The following ZBTB20 variants were observed in gnomAD, a reference collection of about 807,000 sequenced individuals.
ZBTB20 encodes the protein zinc finger and BTB domain containing 20, also known as zinc finger and BTB domain-containing protein 20.
A neutral mutation model predicts 56.9 loss-of-function variants in ZBTB20; 9 were observed. The observed-to-expected ratio is 0.16, with a 90% CI of 0.10 to 0.28. The LOEUF (loss-of-function observed/expected upper bound fraction) is 0.28, where lower values mean the gene tolerates loss of function less well. Ranked by LOEUF, ZBTB20 falls within the 10% of genes least tolerant of loss-of-function variation. ZBTB20 has a pLI of 1.00. For synonymous variants in ZBTB20, 417 were observed against 420.7 expected (o/e 0.99, Z 0.11); for missense variants, 655 against 1,003.0 (o/e 0.65, Z 4.69).
intron 5 of ZBTB20, among the ~76,000 whole-genome samples, chr3:114,766,567 A>G (rs1398122238): frequency 6.6e-6 from 1 of 151,234 alleles, no homozygotes; most frequent in Non-Finnish European, 1.5e-5. Flanking sequence ...GTCAATGAAG[A>G]AATACTTCAT....
chr3:114,462,619 A>G (rs1576894132), intron 7 of ZBTB20, among the ~76,000 whole-genome samples: 2 of 152,172 alleles, frequency 1.3e-5, no homozygotes, highest in East Asian at 3.8e-4. Flanking sequence ...TTTTTTCAAT[A>G]GAAAATATGT....
chr3:114,531,997 C>T (rs551236706), intron 6 of ZBTB20, among the ~76,000 whole-genome samples: 35 of 152,168 alleles, frequency 2.3e-4, no homozygotes, highest in Non-Finnish European at 4.9e-4. Context: ...AACCTGCAGA[C>T]CAGGAGATTC....
At chr3:114,690,944 C>A (rs2062661362) in intron 6 of ZBTB20, among the ~76,000 whole-genome samples, 1 of 151,886 alleles carries the variant, frequency 6.6e-6, no homozygotes, top group Admixed American at 6.6e-5. Flanking sequence ...ATGCTTAAAC[C>A]CAATAATAAG....
chr3:115,138,831 T>C (rs1481257950), intron 1 of ZBTB20, among the ~76,000 whole-genome samples: 1 of 152,064 alleles, frequency 6.6e-6, no homozygotes, highest in Admixed American at 6.6e-5. Context: ...AATACAAGGA[T>C]AGAATGCATT....
chr3:114,645,121 CA>C (rs776735924), intron 6 of ZBTB20, among the ~76,000 whole-genome samples: 20 of 152,096 alleles, frequency 1.3e-4, no homozygotes, highest in Non-Finnish European at 2.5e-4. Context: ...TACGAAATTA[CA>C]GTAAGAGCCA....
At chr3:114,528,563 G>A (rs955255130) in intron 6 of ZBTB20, 6 of 152,084 alleles carry the variant, frequency 3.9e-5, no homozygotes, top group South Asian at 2.1e-4. Flanking sequence ...AATAATTTAC[G>A]ATAAAATATC....
intron 4 of ZBTB20, among the ~76,000 whole-genome samples, chr3:114,817,922 A>G (rs553927461): frequency 1.6e-4 from 24 of 152,230 alleles, no homozygotes; most frequent in African/African-American, 5.5e-4. Context: ...AATTAATACC[A>G]AAAAAACCCT....
At chr3:114,408,024 A>T (rs1019796626) in intron 7 of ZBTB20, among the ~76,000 whole-genome samples, 1 of 152,202 alleles carries the variant, frequency 6.6e-6, no homozygotes, top group African/African-American at 2.4e-5. Flanking sequence ...AAAACTTAGA[A>T]ATCTCAGTTC....
At chr3:115,113,322 T>A (rs1236608266) in intron 1 of ZBTB20, among the ~76,000 whole-genome samples, 1 of 152,226 alleles carries the variant, frequency 6.6e-6, no homozygotes, top group Non-Finnish European at 1.5e-5. Context: ...ACTAAAATAG[T>A]TTGCATATAA....
chr3:114,510,073 T>TATTC (rs1167661223), intron 6 of ZBTB20, among the ~76,000 whole-genome samples: 1 of 152,110 alleles, frequency 6.6e-6, no homozygotes, highest in African/African-American at 2.4e-5. Flanking sequence ...AAATATAAAG[T>TATTC]ATTCACCCAT....
chr3:114,426,219 G>A (rs1022055501), intron 7 of ZBTB20, among the ~76,000 whole-genome samples: 2 of 151,782 alleles, frequency 1.3e-5, no homozygotes, highest in African/African-American at 4.9e-5. Flanking sequence ...GGCGCCTGTA[G>A]TCCCAGCTAC....
intron 6 of ZBTB20, among the ~76,000 whole-genome samples, chr3:114,649,731 T>A (rs900183621): frequency 6.6e-6 from 1 of 152,018 alleles, no homozygotes; most frequent in Non-Finnish European, 1.5e-5. Flanking sequence ...CTAGAATGTC[T>A]CTTTTGACCA....
intron 3 of ZBTB20, among the ~76,000 whole-genome samples, chr3:114,908,934 T>C (rs564738400): frequency 6.6e-6 from 1 of 151,704 alleles, no homozygotes; most frequent in Non-Finnish European, 1.5e-5. Flanking sequence ...TTAGGAGATA[T>C]AAATGACAAA....
chr3:115,094,375 T>G (rs72945762), intron 1 of ZBTB20, among the ~76,000 whole-genome samples: 3,224 of 152,126 alleles, frequency 0.021, 47 homozygotes, highest in South Asian at 0.05. Context: ...CCTAGTCTAT[T>G]TAAATAATAA....
chr3:114,777,638 C>G (rs932385240), intron 5 of ZBTB20, among the ~76,000 whole-genome samples: 1 of 152,196 alleles, frequency 6.6e-6, no homozygotes, highest in African/African-American at 2.4e-5. Flanking sequence ...CACTTTTACA[C>G]TGTTGGTGGG....
chr3:114,593,442 T>C (rs371609729), intron 6 of ZBTB20, among the ~76,000 whole-genome samples: 3 of 149,942 alleles, frequency 2.0e-5, no homozygotes, highest in South Asian at 4.2e-4. Flanking sequence ...TGGAGTGCAA[T>C]GGCGTGATCT....
rs772274680 is a variant in ZBTB20 at position 114,804,947 on chromosome 3, T to C, written c.-416-3773A>G. On this transcript the variant is annotated intron_variant, in intron 4 of 11. Coordinates refer to ENST00000675478, the MANE Select transcript of ZBTB20 (RefSeq NM_001348800.3). ...ACTTTTAAATGGTCTTTTCTTTTTATAACTGGTTAGTTTGAATCAGGATCT... is the reference window on the plus strand; with the variant it reads ...ACTTTTAAATGGTCTTTTCTTTTTACAACTGGTTAGTTTGAATCAGGATCT... Among the ~76,000 whole-genome samples, 75 of 151,954 alleles carry C rather than the reference T, an allele frequency of 4.9e-4. 1 individual carries two copies. Among genetic ancestry groups the C allele is most frequent in the Non-Finnish European group, 9.0e-4 (61 of 67,868 alleles).
chr3:114,473,420 CATATTTTGTCTAAAT>C (rs1426728566), intron 7 of ZBTB20, among the ~76,000 whole-genome samples: 3 of 152,130 alleles, frequency 2.0e-5, no homozygotes, highest in African/African-American at 7.2e-5. Context: ...ATGAAAAATG[CATATTTTGTCTAAAT>C]ATTGATAAAG....
chr3:114,558,148 G>A lies in ZBTB20; in HGVS notation c.-294-57757C>T, dbSNP rs147150623. Among the ~76,000 whole-genome samples, 41 of 152,130 alleles carry A rather than the reference G, an allele frequency of 2.7e-4. No homozygotes were observed. The East Asian group carries it at 7.9e-3, about 29-fold the overall frequency. ...GAACTACCTTGAGGGGTGGATGGTG[G>A]TAAAGAATCAGGACATTTAAACTTC... On this transcript the variant is annotated intron_variant, in intron 6 of 11. Transcript: ENST00000675478.
Sources: allele counts gnomAD v4.1 joint callset (sites outside exome capture counted in the v4.1 genomes callset), GRCh38; gene constraint gnomAD v4.1.1; transcripts MANE v1.5; gene names NCBI Gene and HGNC (gene_info 2026-07-23, HGNC 2026-07-21).